The following CCNP variants were observed in gnomAD, a reference collection of about 807,000 sequenced individuals.
The protein encoded by CCNP is cyclin-P.
CCNP carries 18 observed loss-of-function variants against 19.6 expected under a neutral mutation model. That is an observed-to-expected ratio of 0.92 (90% CI 0.64 to 1.36). The LOEUF (loss-of-function observed/expected upper bound fraction) is 1.36, where lower values mean the gene tolerates loss of function less well. Among genes scored for constraint, CCNP ranks in the 40% most tolerant of loss-of-function variants. The pLI is 0.00. For missense variants in CCNP, 440 were observed against 424.4 expected (o/e 1.04, Z -0.32); for synonymous variants, 228 against 194.9 (o/e 1.17, Z -1.41).
At chr19:40,224,670 G>A (rs1228535092) in intron 2 of CCNP, 27 bp from the exon 3 acceptor site, 18 of 1,613,676 alleles carry the variant, frequency 1.1e-5, no homozygotes, top group Non-Finnish European at 1.4e-5. Context: ...GTGACCACGG[G>A]GTCCTGGGCG....
intron 1 of CCNP, 138 bp downstream of exon 1, chr19:40,226,237 G>T: frequency 4.1e-6 from 3 of 727,620 alleles, no homozygotes; most frequent in Non-Finnish European, 6.7e-6. Flanking sequence ...CAAAAGCCTG[G>T]ACGTTGCAGG....
At chr19:40,223,808 C>A (rs775733152) in intron 3 of CCNP, among the ~76,000 whole-genome samples, 1 of 151,978 alleles carries the variant, frequency 6.6e-6, no homozygotes, top group African/African-American at 2.4e-5. Context: ...CCCCCGCCCC[C>A]CGTAAAACAG....
At chr19:40,224,392 C>A in intron 3 of CCNP, 96 bp downstream of exon 3, 2 of 1,401,880 alleles carry the variant, frequency 1.4e-6, no homozygotes, top group Admixed American at 3.6e-5. Context: ...TGTTGGGAAT[C>A]CCAGACTCAG....
intron 1 of CCNP, among the ~76,000 whole-genome samples, chr19:40,226,163 A>G (rs1973535803): frequency 1.3e-5 from 2 of 152,252 alleles, no homozygotes. Context: ...GGGACTGCAA[A>G]GAGCCCGGGG....
intron 3 of CCNP, 155 bp from the exon 4 acceptor site, chr19:40,223,701 G>T: frequency 9.5e-7 from 1 of 1,052,588 alleles, no homozygotes; most frequent in Non-Finnish European, 1.4e-6. Context: ...GCACGGGCTT[G>T]AGGGTCCTGG....
chr19:40,223,751 T>C, intron 3 of CCNP: 3 of 683,592 alleles, frequency 4.4e-6, no homozygotes, highest in Non-Finnish European at 5.1e-6. Context: ...CATCATCTGC[T>C]CACTGTGTGA....
intron 3 of CCNP, among the ~76,000 whole-genome samples, chr19:40,224,201 G>T (rs191654179): frequency 1.3e-5 from 2 of 152,008 alleles, no homozygotes; most frequent in African/African-American, 4.8e-5. Flanking sequence ...GTGATCTGCC[G>T]GTTTCAGCCT....
In CCNP at chr19:40,223,027, A is replaced by T. The variant is rs776862616; in HGVS notation, c.*25T>A. Reference sequence around the variant, plus strand: ...CCCATTCTCTCCCACACCCAGAAAAATCAAGTCTAGGTGCCACCTCCTCCT... The same window carrying T: ...CCCATTCTCTCCCACACCCAGAAAATTCAAGTCTAGGTGCCACCTCCTCCT... On this transcript the variant is annotated 3_prime_UTR_variant, in exon 5 of 5. Transcript: ENST00000430325. 296 of 1,384,446 alleles carry T rather than the reference A, an allele frequency of 2.1e-4. No individual in the cohort carries two copies. Among genetic ancestry groups the T allele is most frequent in the Non-Finnish European group, 2.8e-4 (278 of 1,006,392 alleles). The allele number at this position is 1,384,446 out of a possible 1,614,324, so 85.8% of individuals were successfully genotyped here.
chr19:40,226,039 G>A (rs982711333), intron 1 of CCNP, among the ~76,000 whole-genome samples: 1 of 152,232 alleles, frequency 6.6e-6, no homozygotes, highest in Non-Finnish European at 1.5e-5. Flanking sequence ...TCCCCAGAAC[G>A]AGGCCAGCAT....
Position 40,224,643 on chromosome 19 carries a change from C to G in CCNP, c.358G>C (p.Glu120Gln). 6.2e-7 allele frequency: 1 copy of G among 1,614,216 alleles called. No individual in the cohort carries two copies. The highest frequency in any genetic ancestry group is 1.1e-5 in the South Asian group (1 of 91,082). The change falls in exon 3 of 5, where the codon GAG becomes CAG. Residue 120 changes from glutamate to glutamine, a missense_variant and splice_region_variant. Coordinates refer to ENST00000430325, the MANE Select transcript of CCNP (RefSeq NM_024877.4). The stretch of plus-strand genomic sequence containing the variant: ...GTGTCACCAGCCAGACCCAGGTACT[C>G]CTGAGGAGGGGCAAGGGTGACCACG... ...LVVDWLVQVH[E>Q]YLGLAGDTLY...
chr19:40,223,269 G>A lies in CCNP; in HGVS notation c.707C>T (p.Ser236Phe), dbSNP rs1314370438. The A allele has an allele frequency of 5.2e-6, 8 of 1,540,986 alleles. No homozygotes were observed. Among genetic ancestry groups the A allele is most frequent in the Non-Finnish European group, 5.3e-6 (6 of 1,140,746 alleles). Residue 236 changes from serine (S) to phenylalanine (F), a missense_variant, in exon 5 of 5, where the codon TCT becomes TTT. By Grantham distance (155) the Ser-to-Phe change is radical. Transcript: ENST00000430325. ...MLLATYFLEL[S>F]LLEAEAAGWE... ...TCCCGCCGCCTCGGCCTCCAGCAAA[G>A]ACAGCTCCAGGAAGTAGGTGGCAAG...
Position 40,224,530 on chromosome 19 carries a change from G to A in CCNP, c.471C>T (p.Cys157=), listed in dbSNP as rs138202409. Residue 157 remains cysteine (C), a synonymous_variant, in exon 3 of 5, where the codon TGC becomes TGT. Coordinates refer to ENST00000430325, the MANE Select transcript of CCNP (RefSeq NM_024877.4). ...LHRLQLLGVA[C]LFVACKMEEC... is the part of the protein sequence containing the mutation. ...CTTCCATTTTGCACGCCACAAACAG[G>A]CAAGCCACGCCCAGCAGCTGCAGGC... 11 of 1,614,108 alleles carry A rather than the reference G, an allele frequency of 6.8e-6. No individual in the cohort carries two copies. The African/African-American group carries it at 1.3e-4, about 20-fold the overall frequency.
At chr19:40,225,374 T>G (rs970751299) in intron 1 of CCNP, among the ~76,000 whole-genome samples, 2 of 152,160 alleles carry the variant, frequency 1.3e-5, no homozygotes, top group Non-Finnish European at 2.9e-5. Flanking sequence ...CTTCAACTCT[T>G]GACCACGAAT....
chr19:40,223,973 T>G (rs541738948), intron 3 of CCNP, among the ~76,000 whole-genome samples: 29 of 115,832 alleles, frequency 2.5e-4, no homozygotes, highest in East Asian at 4.3e-4. Context: ...ATTTGTTTTG[T>G]TTTTTTTTGT....
Position 40,223,015 on chromosome 19 carries a change from A to T in CCNP, c.*37T>A, listed in dbSNP as rs1427953017. ...GGGTCCTCCCACCCCATTCTCTCCC[A>T]CACCCAGAAAAATCAAGTCTAGGTG... On this transcript the variant is annotated 3_prime_UTR_variant, in exon 5 of 5. Coordinates refer to ENST00000430325, the MANE Select transcript of CCNP (RefSeq NM_024877.4). 3.2e-6 allele frequency: 4 copies of T among 1,268,640 alleles called. No individual in the cohort carries two copies. The South Asian group carries it at 4.1e-5, about 13-fold the overall frequency. The allele number at this position is 1,268,640 out of a possible 1,614,324, so 78.6% of individuals were successfully genotyped here. A position where few individuals can be genotyped will look rare whatever the true frequency, so the allele number is the denominator to read the frequency against.
chr19:40,226,531 T>TC lies in CCNP; in HGVS notation c.110_111insG (p.Glu38ArgfsTer90). 1.3e-6 allele frequency: 2 copies of TC among 1,589,832 alleles called. No homozygotes were observed. The highest frequency in any genetic ancestry group is 1.7e-6 in the Non-Finnish European group (2 of 1,169,626). On this transcript the variant is annotated frameshift_variant, in exon 1 of 5. Transcript: ENST00000430325. LOFTEE classifies it high-confidence loss of function. ...CGGGGACTGCGGCGCTTGAAGGCTC[T>TC]GCGTCGAGGGAGGCAGCGAGACTCT...
intron 1 of CCNP, 87 bp from the exon 2 acceptor site, chr19:40,224,898 CCAGT>C: frequency 8.3e-7 from 1 of 1,207,676 alleles, no homozygotes; most frequent in Non-Finnish European, 1.2e-6. Context: ...GCAGCCTCCT[CCAGT>C]CAGTTGGACA....
At chr19:40,226,351 A>T (rs368676822) in intron 1 of CCNP, 24 bp downstream of exon 1, 2 of 1,599,968 alleles carry the variant, frequency 1.3e-6, no homozygotes, top group African/African-American at 2.7e-5. Context: ...CGCCCTCACC[A>T]GGGCAGGCGG....
Position 40,222,947 on chromosome 19 carries a change from C to T in CCNP, c.*105G>A, listed in dbSNP as rs1266322068. Reference sequence around the variant, plus strand: ...TCTTCTGGGCCTGGGAGACTATCTTCCACTCTGGGGCAAGGTTAAGAGACC... The same window carrying T: ...TCTTCTGGGCCTGGGAGACTATCTTTCACTCTGGGGCAAGGTTAAGAGACC... On this transcript the variant is annotated 3_prime_UTR_variant, in exon 5 of 5. Coordinates refer to ENST00000430325, the MANE Select transcript of CCNP (RefSeq NM_024877.4). The T allele has an allele frequency of 5.5e-5, 37 of 667,442 alleles. No homozygotes were observed. In the East Asian group the frequency reaches 1.1e-3, roughly 19 times the overall value. The allele number at this position is 667,442 out of a possible 1,614,324, so 41.3% of individuals were successfully genotyped here.
Sources: gnomAD v4.1 joint callset for allele counts (sites outside exome capture counted in the v4.1 genomes callset) on GRCh38, gnomAD v4.1.1 for gene constraint, MANE v1.5 for transcripts, NCBI Gene and HGNC (gene_info 2026-07-23, HGNC 2026-07-21) for gene names.